Variants in TTC19 observed in about 807,000 individuals in gnomAD.
TTC19 encodes the protein tetratricopeptide repeat domain 19.
A neutral mutation model predicts 49.5 loss-of-function variants in TTC19; 38 were observed. That is an observed-to-expected ratio of 0.77 (90% CI 0.59 to 1.01). The LOEUF (loss-of-function observed/expected upper bound fraction) is 1.01, where lower values mean the gene tolerates loss of function less well. Ranked by LOEUF, TTC19 falls within the 50% of genes least tolerant of loss-of-function variation. The pLI is 0.00. For missense variants in TTC19, 475 were observed against 477.7 expected, an observed-to-expected ratio of 0.99 and a Z score of 0.05; for synonymous variants, 204 against 185.2, an observed-to-expected ratio of 1.10 and a Z score of -0.83.
chr17:16,000,233 G>GA lies in TTC19; in HGVS notation c.302dup (p.Arg102AlafsTer10). 1 of 1,595,330 alleles carries GA rather than the reference G, an allele frequency of 6.3e-7. No homozygotes were observed. The highest frequency in any genetic ancestry group is 8.5e-7 in the Non-Finnish European group (1 of 1,179,206). On this transcript the variant is annotated frameshift_variant, in exon 2 of 10. Transcript: ENST00000261647. LOFTEE classifies it high-confidence loss of function. Reference sequence around the variant, plus strand: ...CCGAGGCAGAGATCATCCAGCTGCTGAAGCGAGCCAAGGTGAGGCGGCTCC... The same window carrying GA: ...CCGAGGCAGAGATCATCCAGCTGCTGAAAGCGAGCCAAGGTGAGGCGGCTCC...
chr17:16,010,592 A>G (rs565232856), intron 7 of TTC19, among the ~76,000 whole-genome samples: 1 of 151,968 alleles, frequency 6.6e-6, no homozygotes, highest in South Asian at 2.1e-4. Context: ...CTCCTGCCTC[A>G]GCCTCCCGAG....
At chr17:16,011,222 C>T (rs1490659670) in intron 7 of TTC19, among the ~76,000 whole-genome samples, 4 of 152,174 alleles carry the variant, frequency 2.6e-5, no homozygotes, top group Non-Finnish European at 5.9e-5. Context: ...ACTCTGTCAC[C>T]CAGGCTGGAG....
chr17:16,010,125 A>G (rs1282238801), intron 7 of TTC19, among the ~76,000 whole-genome samples: 2 of 149,106 alleles, frequency 1.3e-5, no homozygotes, highest in Non-Finnish European at 3.0e-5. Context: ...TTTCTTGGCT[A>G]TCTCACCCAC....
chr17:16,026,296 C>T (rs1270659090), intron 8 of TTC19, among the ~76,000 whole-genome samples: 1 of 152,176 alleles, frequency 6.6e-6, no homozygotes, highest in Non-Finnish European at 1.5e-5. Flanking sequence ...GATTAATAAG[C>T]ACTGTCTGTT....
At chr17:16,008,992 A>G (rs1384670504) in intron 7 of TTC19, among the ~76,000 whole-genome samples, 5 of 152,152 alleles carry the variant, frequency 3.3e-5, no homozygotes, top group Admixed American at 3.3e-4. Context: ...TGTCTTCCAT[A>G]TCAAAGAAGG....
Position 16,027,500 on chromosome 17 carries a change from T to A in TTC19, c.1121T>A (p.Leu374Ter). The A allele has an allele frequency of 6.2e-7, 1 of 1,614,072 alleles. No homozygotes were observed. Among genetic ancestry groups the A allele is most frequent in the Non-Finnish European group, 8.5e-7 (1 of 1,179,972 alleles). The change falls in exon 10 of 10, where the codon TTG (leucine) becomes TAG (stop). Residue 374 changes from leucine (L) to a stop codon, truncating the protein, a stop_gained. Coordinates refer to ENST00000261647, the MANE Select transcript of TTC19 (RefSeq NM_017775.4). LOFTEE classifies it high-confidence loss of function. ...LAELSKKSRP[L>*]TNSVKL ...GAGCTGTCAAAGAAAAGTAGACCTTTGACAAATTCTGTCAAGCTCTAAATC... is the reference window on the plus strand; with the variant it reads ...GAGCTGTCAAAGAAAAGTAGACCTTAGACAAATTCTGTCAAGCTCTAAATC...
intron 3 of TTC19, among the ~76,000 whole-genome samples, chr17:16,002,397 G>T (rs558196542): frequency 1.7e-4 from 26 of 152,126 alleles, no homozygotes; most frequent in African/African-American, 5.8e-4. Flanking sequence ...GGCTGGTCTC[G>T]AACTCCTGAT....
At chr17:16,034,941 C>A (rs1358218890) in intron 2 of TTC19, 5 of 1,613,102 alleles carry the variant, frequency 3.1e-6, no homozygotes, top group Non-Finnish European at 4.2e-6. Context: ...TTTGCAAACT[C>A]CTCCTGAAAG....
chr17:16,041,541 G>A (rs975027594), intron 2 of TTC19, among the ~76,000 whole-genome samples: 20 of 149,908 alleles, frequency 1.3e-4, no homozygotes, highest in African/African-American at 4.9e-4. Flanking sequence ...AGCCTCCCGA[G>A]CAGCTGGGAT....
intron 2 of TTC19, among the ~76,000 whole-genome samples, chr17:16,042,872 C>T (rs905134348): frequency 5.9e-5 from 9 of 152,232 alleles, no homozygotes; most frequent in Non-Finnish European, 1.0e-4. Flanking sequence ...GTAAGTAGAG[C>T]TTAGTAGGAA....
chr17:16,034,670 C>A, intron 2 of TTC19: 1 of 1,157,072 alleles, frequency 8.6e-7, no homozygotes, highest in South Asian at 1.5e-5. Flanking sequence ...TATAGGTTTC[C>A]AAATTAGAAG....
Position 16,028,748 on chromosome 17 carries a change from T to G in TTC19, c.*1226T>G. Reference sequence around the variant, plus strand: ...ATACTTTTGGTTCGTATGTACATACTGGAAGAATCTTCATAATAAATGAGA... The same window carrying G: ...ATACTTTTGGTTCGTATGTACATACGGGAAGAATCTTCATAATAAATGAGA... On this transcript the variant is annotated 3_prime_UTR_variant, in exon 10 of 10. Transcript: ENST00000261647. The G allele has an allele frequency of 5.1e-6, 2 of 391,890 alleles. No individual in the cohort carries two copies. Among genetic ancestry groups the G allele is most frequent in the Middle Eastern group, 7.6e-4 (1 of 1,310 alleles). 24.3% of individuals were successfully genotyped at this position (391,890 alleles called of 1,614,324 possible).
In TTC19 at chr17:16,000,203, C is replaced by G. The variant is rs757875189; in HGVS notation, c.270C>G (p.Asp90Glu). The change falls in exon 2 of 10, where the codon GAC becomes GAG. Residue 90 changes from aspartate to glutamate, a missense_variant. Physicochemically the swap from Asp to Glu is conservative, Grantham distance 45. Transcript: ENST00000261647. ...GGGCCGCTGCCGAGGACGGGGCGGACGAGGCCGAGGCAGAGATCATCCAGC... is the reference window on the plus strand; with the variant it reads ...GGGCCGCTGCCGAGGACGGGGCGGAGGAGGCCGAGGCAGAGATCATCCAGC... ...ADGAAAEDGA[D>E]EAEAEIIQLL... 7 of 1,594,502 alleles carry G rather than the reference C, an allele frequency of 4.4e-6. No homozygotes were observed. Among genetic ancestry groups the G allele is most frequent in the Middle Eastern group, 4.5e-4 (2 of 4,434 alleles).
intron 2 of TTC19, among the ~76,000 whole-genome samples, chr17:16,035,166 T>G (rs1974005004): frequency 6.6e-6 from 1 of 152,188 alleles, no homozygotes; most frequent in Non-Finnish European, 1.5e-5. Context: ...GCCTCCATGT[T>G]GATGGCTGCT....
intron 2 of TTC19, chr17:16,044,341 C>T: frequency 4.5e-5 from 21 of 462,184 alleles, no homozygotes; most frequent in Middle Eastern, 3.4e-4. Context: ...ATCCTTTTTT[C>T]CTTGGTGTTC....
chr17:16,041,667 A>G (rs1183202324), intron 2 of TTC19, among the ~76,000 whole-genome samples: 3 of 152,052 alleles, frequency 2.0e-5, no homozygotes, highest in Non-Finnish European at 4.4e-5. Flanking sequence ...TACCCACCTC[A>G]GCCTCCTAAA....
intron 7 of TTC19, among the ~76,000 whole-genome samples, chr17:16,008,841 CTA>C (rs1970986262): frequency 6.6e-6 from 1 of 152,202 alleles, no homozygotes; most frequent in African/African-American, 2.4e-5. Context: ...TTCACTAAAA[CTA>C]TCATCTCTTC....
intron 2 of TTC19, chr17:16,039,432 C>T (rs1348274305): frequency 6.2e-7 from 1 of 1,612,998 alleles, no homozygotes; most frequent in Non-Finnish European, 8.5e-7. Flanking sequence ...GAAAGCTGTA[C>T]CTGAATGAGG....
chr17:16,027,177 G>C (rs1378597991), intron 9 of TTC19, 197 bp from the exon 10 acceptor site: 2 of 638,620 alleles, frequency 3.1e-6, no homozygotes, highest in Non-Finnish European at 2.7e-6. Context: ...GGATATACTG[G>C]AAAGGGCCGT....
Sources: allele counts gnomAD v4.1 joint callset (sites outside exome capture counted in the v4.1 genomes callset), GRCh38; gene constraint gnomAD v4.1.1; transcripts MANE v1.5; gene names NCBI Gene and HGNC (gene_info 2026-07-23, HGNC 2026-07-21).